TNFSF4: variants seen among roughly 807,000 people sequenced by gnomAD.
TNFSF4 encodes tumor necrosis factor ligand superfamily member 4.
TNFSF4 carries 4 observed loss-of-function variants against 7.3 expected under a neutral mutation model. That is an observed-to-expected ratio of 0.55 (90% CI 0.27 to 1.25). The LOEUF (loss-of-function observed/expected upper bound fraction) is 1.25, where lower values mean the gene tolerates loss of function less well. Among genes scored for constraint, TNFSF4 ranks in the 50% most tolerant of loss-of-function variants. The pLI is 0.12. For synonymous variants in TNFSF4, 76 were observed against 83.7 expected, an observed-to-expected ratio of 0.91 and a Z score of 0.50; for missense variants, 181 against 208.8, an observed-to-expected ratio of 0.87 and a Z score of 0.82.
the TNFSF4 span, among the ~76,000 whole-genome samples, chr1:173,401,229 A>T: frequency 3.9e-5 from 6 of 152,230 alleles, no homozygotes; most frequent in Admixed American, 3.9e-4. Context: ...TGTCTACAGG[A>T]TAGTAATATC....
chr1:173,307,025 AT>A, the TNFSF4 span, among the ~76,000 whole-genome samples: 1 of 151,832 alleles, frequency 6.6e-6, no homozygotes, highest in Non-Finnish European at 1.5e-5. Flanking sequence ...CTACTTATTA[AT>A]TGCTTCTTGG....
the TNFSF4 span, among the ~76,000 whole-genome samples, chr1:173,331,487 T>C: frequency 6.6e-6 from 1 of 152,140 alleles, no homozygotes; most frequent in Non-Finnish European, 1.5e-5. Flanking sequence ...AGAAAGGAAA[T>C]CTAAACTACT....
the TNFSF4 span, among the ~76,000 whole-genome samples, chr1:173,413,142 T>C: frequency 1.6e-4 from 25 of 152,234 alleles, 1 homozygote; most frequent in African/African-American, 6.0e-4. Context: ...ACAACTAATT[T>C]CTAATGGTCA....
the TNFSF4 span, among the ~76,000 whole-genome samples, chr1:173,388,881 T>C: frequency 1.3e-5 from 2 of 152,198 alleles, no homozygotes; most frequent in Non-Finnish European, 2.9e-5. Flanking sequence ...TTAGTGACTC[T>C]TAAGAGTTAA....
the TNFSF4 span, among the ~76,000 whole-genome samples, chr1:173,358,367 C>G: frequency 2.0e-5 from 3 of 152,104 alleles, no homozygotes; most frequent in Non-Finnish European, 4.4e-5. Flanking sequence ...CAAAAGTCTG[C>G]TAAGCTACAA....
chr1:173,228,002 C>T, the TNFSF4 span, among the ~76,000 whole-genome samples: 2 of 152,208 alleles, frequency 1.3e-5, no homozygotes, highest in African/African-American at 4.8e-5. Context: ...TAGACTCCAC[C>T]TCTGGGGGCG....
At chr1:173,391,526 T>C in the TNFSF4 span, among the ~76,000 whole-genome samples, 1 of 150,958 alleles carries the variant, frequency 6.6e-6, no homozygotes, top group Admixed American at 6.6e-5. Context: ...CCCCTTAAAT[T>C]CCTTAAGAGG....
the TNFSF4 span, among the ~76,000 whole-genome samples, chr1:173,237,059 T>C: frequency 6.6e-6 from 1 of 152,098 alleles, no homozygotes; most frequent in Admixed American, 6.5e-5. Context: ...CTCATGAGAG[T>C]TGATGGTTTT....
chr1:173,174,014 T>A, the TNFSF4 span, among the ~76,000 whole-genome samples: 1 of 152,198 alleles, frequency 6.6e-6, no homozygotes, highest in African/African-American at 2.4e-5. Context: ...GGCTGCAAAT[T>A]TTTCAAACTT....
chr1:173,443,012 G>A, the TNFSF4 span, among the ~76,000 whole-genome samples: 6 of 152,152 alleles, frequency 3.9e-5, no homozygotes, highest in Non-Finnish European at 8.8e-5. Flanking sequence ...TTATATTTCA[G>A]AATATGTAAG....
chr1:173,443,414 A>G, the TNFSF4 span, among the ~76,000 whole-genome samples: 1 of 152,224 alleles, frequency 6.6e-6, no homozygotes, highest in Non-Finnish European at 1.5e-5. Context: ...TGGAATCCTC[A>G]TGCAGTCAAT....
chr1:173,250,546 G>A, the TNFSF4 span, among the ~76,000 whole-genome samples: 3 of 150,744 alleles, frequency 2.0e-5, no homozygotes, highest in South Asian at 4.2e-4. Flanking sequence ...TGCAAGCTCC[G>A]CCTCCCGGGT....
At chr1:173,357,835 T>C in the TNFSF4 span, among the ~76,000 whole-genome samples, 6 of 152,138 alleles carry the variant, frequency 3.9e-5, no homozygotes, top group Admixed American at 3.9e-4. Flanking sequence ...GCACCTGGCC[T>C]CTTCCATCAC....
chr1:173,202,916 C>T (rs1279786013), intron 1 of TNFSF4, among the ~76,000 whole-genome samples: 2 of 152,106 alleles, frequency 1.3e-5, no homozygotes, highest in Admixed American at 1.3e-4. Flanking sequence ...GCATTATCTC[C>T]TCCTGCAGGT....
chr1:173,342,896 G>A, the TNFSF4 span, among the ~76,000 whole-genome samples: 1 of 152,206 alleles, frequency 6.6e-6, no homozygotes, highest in Non-Finnish European at 1.5e-5. Flanking sequence ...CTAGAAGGGA[G>A]AAGGAAAGTT....
the TNFSF4 span, chr1:173,362,919 A>G: frequency 2.1e-6 from 1 of 466,228 alleles, no homozygotes; most frequent in Non-Finnish European, 4.3e-6. Context: ...TCTATAATGT[A>G]CTCGTGCACC....
the TNFSF4 span, among the ~76,000 whole-genome samples, chr1:173,336,663 A>G: frequency 2.0e-5 from 3 of 152,246 alleles, no homozygotes; most frequent in African/African-American, 7.2e-5. Flanking sequence ...ACATTCGTCC[A>G]TTACATTGAT....
At chr1:173,180,728 A>C (rs1447847785), downstream of TNFSF4, among the ~76,000 whole-genome samples, 1 of 152,254 alleles carries the variant, frequency 6.6e-6, no homozygotes, top group African/African-American at 2.4e-5. Context: ...AAATAGTATT[A>C]ATTTAAATAA....
At chr1:173,438,003 C>T in the TNFSF4 span, among the ~76,000 whole-genome samples, 2 of 152,126 alleles carry the variant, frequency 1.3e-5, no homozygotes, top group South Asian at 2.1e-4. Flanking sequence ...ATTGGAATTG[C>T]ACTAAACTTA....
Sources: gnomAD v4.1 joint callset for allele counts (sites outside exome capture counted in the v4.1 genomes callset) on GRCh38, gnomAD v4.1.1 for gene constraint, MANE v1.5 for transcripts, NCBI Gene and HGNC (gene_info 2026-07-23, HGNC 2026-07-21) for gene names.